Variants in RYR2 observed in about 807,000 individuals in gnomAD.
RYR2 encodes the protein cardiac muscle ryanodine receptor-calcium release channel.
In RYR2, 227 loss-of-function variants were observed where a neutral mutation model predicts 601.1. That is an observed-to-expected ratio of 0.38 (90% CI 0.34 to 0.42). The LOEUF (loss-of-function observed/expected upper bound fraction) is 0.42. Ranked by LOEUF, RYR2 falls within the 10% of genes least tolerant of loss-of-function variation. RYR2 has a pLI of 1.00. For synonymous variants in RYR2, 2,223 were observed against 2,175.1 expected (o/e 1.02, Z -0.61); for missense variants, 4,646 against 6,156.5 (o/e 0.75, Z 8.21).
chr1:237,738,885 T>C (rs748151939), intron 79 of RYR2, among the ~76,000 whole-genome samples: 8 of 152,210 alleles, frequency 5.3e-5, no homozygotes, highest in Admixed American at 3.9e-4. Context: ...ACAAATGTCA[T>C]ACTGTTTTCC....
At chr1:237,469,208 CT>C (rs762980102) in intron 17 of RYR2, 21 bp downstream of exon 17, 8 of 1,282,946 alleles carry the variant, frequency 6.2e-6, no homozygotes, top group Non-Finnish European at 7.2e-6. Flanking sequence ...TAGTTTTTTC[CT>C]TGTTGTGATA....
At chr1:237,744,032 T>C (rs191349189) in intron 80 of RYR2, among the ~76,000 whole-genome samples, 6 of 152,282 alleles carry the variant, frequency 3.9e-5, no homozygotes, top group Admixed American at 2.6e-4. Context: ...GCTGGTGAGA[T>C]TGGAAAGAAG....
intron 92 of RYR2, among the ~76,000 whole-genome samples, chr1:237,789,025 T>C (rs973272674): frequency 2.6e-5 from 4 of 151,462 alleles, no homozygotes; most frequent in Non-Finnish European, 4.4e-5. Context: ...TATATATGTA[T>C]AATTATATGT....
At chr1:237,695,431 G>A (rs189725907) in intron 63 of RYR2, among the ~76,000 whole-genome samples, 448 of 152,262 alleles carry the variant, frequency 2.9e-3, no homozygotes, top group African/African-American at 9.9e-3. Flanking sequence ...GAGGACAAGG[G>A]AAATAGCTGG....
chr1:237,099,108 A>G (rs80158357), intron 1 of RYR2, among the ~76,000 whole-genome samples: 2 of 10,146 alleles, frequency 2.0e-4, no homozygotes, highest in Non-Finnish European at 8.2e-3. Flanking sequence ...TGTGAACGGA[A>G]AAAAAAAAAC....
chr1:237,674,013 G>T, intron 58 of RYR2, 83 bp from the exon 59 acceptor site: 1 of 1,090,404 alleles, frequency 9.2e-7, no homozygotes, highest in Non-Finnish European at 1.4e-6. Context: ...AAGTTTTATA[G>T]TGTGGTCCAA....
chr1:237,091,006 C>A (rs143444373), intron 1 of RYR2, among the ~76,000 whole-genome samples: 1 of 152,110 alleles, frequency 6.6e-6, no homozygotes, highest in African/African-American at 2.4e-5. Flanking sequence ...TAATGTCATA[C>A]ATTTATTTTT....
chr1:237,426,048 A>G lies in RYR2; in HGVS notation c.1005+2800A>G, dbSNP rs1231507374. On this transcript the variant is annotated intron_variant, in intron 12 of 104. Coordinates refer to ENST00000366574, the MANE Select transcript of RYR2 (RefSeq NM_001035.3). The stretch of plus-strand genomic sequence containing the variant: ...ACATTTAGGTTGTTTCTATAGTTAT[A>G]TACATATATTCATATATATATATTA... Among the ~76,000 whole-genome samples, 5 of 151,538 alleles carry G rather than the reference A, an allele frequency of 3.3e-5. 1 individual carries two copies. The South Asian group carries it at 8.3e-4, about 25-fold the overall frequency.
At chr1:237,194,690 T>C (rs1680364824) in intron 1 of RYR2, among the ~76,000 whole-genome samples, 1 of 152,174 alleles carries the variant, frequency 6.6e-6, no homozygotes, top group South Asian at 2.1e-4. Flanking sequence ...TGAGCAGGGC[T>C]GTCAGAAGTG....
chr1:237,670,174 A>G (rs939333650), intron 58 of RYR2, among the ~76,000 whole-genome samples: 5 of 151,518 alleles, frequency 3.3e-5, no homozygotes, highest in African/African-American at 1.2e-4. Flanking sequence ...CTGCAATCGC[A>G]GGCACTCGGC....
At chr1:237,351,458 C>T (rs546235421) in intron 3 of RYR2, among the ~76,000 whole-genome samples, 17 of 151,062 alleles carry the variant, frequency 1.1e-4, no homozygotes, top group South Asian at 8.4e-4. Context: ...AGACTGAATA[C>T]GAAAAAGAGA....
In RYR2 at chr1:237,540,715, T is replaced by TA. The variant is rs61711260; in HGVS notation, c.2907-7700dup. On this transcript the variant is annotated intron_variant, in intron 25 of 104. Transcript: ENST00000366574. ...AAAGTGAAACTCCGTTTCAAAATAT[T>TA]AAAAAAAAAAAAAAAAGCATACTAG... Among the ~76,000 whole-genome samples the TA allele has an allele frequency of 5.8e-3, 754 of 130,360 alleles. 4 individuals carry two copies. Among genetic ancestry groups the TA allele is most frequent in the African/African-American group, 0.01 (363 of 35,316 alleles). The allele number at this position is 130,360 out of a possible 152,430, so 85.5% of individuals were successfully genotyped here. A position where few individuals can be genotyped will look rare whatever the true frequency, so the allele number is the denominator to read the frequency against.
intron 1 of RYR2, among the ~76,000 whole-genome samples, chr1:237,059,389 T>TAATG (rs1662568676): frequency 6.6e-6 from 1 of 151,966 alleles, no homozygotes; most frequent in Non-Finnish European, 1.5e-5. Context: ...AGGAGATGAG[T>TAATG]AATGACACCC....
intron 98 of RYR2, chr1:237,802,206 T>C (rs1345019072): frequency 8.7e-6 from 2 of 230,492 alleles, no homozygotes; most frequent in African/African-American, 2.2e-5. Context: ...TTCAGTTTTA[T>C]AGATGTTAAA....
At chr1:237,179,978 G>T (rs1321848825) in intron 1 of RYR2, among the ~76,000 whole-genome samples, 2 of 152,110 alleles carry the variant, frequency 1.3e-5, no homozygotes, top group Non-Finnish European at 2.9e-5. Context: ...CAAGGTTTCA[G>T]ATTGGCAGTG....
chr1:237,244,157 A>C (rs1686523909), intron 1 of RYR2, among the ~76,000 whole-genome samples: 1 of 152,214 alleles, frequency 6.6e-6, no homozygotes, highest in Admixed American at 6.5e-5. Flanking sequence ...CAGTGTCCAT[A>C]GGGCTGTCCA....
intron 1 of RYR2, among the ~76,000 whole-genome samples, chr1:237,111,590 TAAAAAAAA>T (rs71178394): frequency 2.5e-5 from 3 of 119,990 alleles, no homozygotes; most frequent in Non-Finnish European, 5.1e-5. Flanking sequence ...TCCGTCTCTT[TAAAAAAAA>T]AAAAAAAAAA....
At chr1:237,634,457 A>AG (rs1680662798) in intron 43 of RYR2, among the ~76,000 whole-genome samples, 4 of 152,030 alleles carry the variant, frequency 2.6e-5, no homozygotes, top group Admixed American at 2.0e-4. Context: ...TACCAGGTGT[A>AG]GGGGGGAGTG....
chr1:237,140,618 A>T (rs1332855621), intron 1 of RYR2, among the ~76,000 whole-genome samples: 4 of 152,246 alleles, frequency 2.6e-5, no homozygotes, highest in Non-Finnish European at 5.9e-5. Flanking sequence ...AGATGTGTAA[A>T]TAGAGTGAAA....
Sources: allele counts gnomAD v4.1 joint callset (sites outside exome capture counted in the v4.1 genomes callset), GRCh38; gene constraint gnomAD v4.1.1; transcripts MANE v1.5; gene names NCBI Gene and HGNC (gene_info 2026-07-23, HGNC 2026-07-21).